SNAP47: variants seen among roughly 807,000 people sequenced by gnomAD.
SNAP47 encodes the protein synaptosomal-associated protein 47.
SNAP47 carries 20 observed loss-of-function variants against 31.4 expected under a neutral mutation model. The observed-to-expected ratio is 0.64, with a 90% CI of 0.45 to 0.93. SNAP47 has a LOEUF of 0.93. SNAP47 is among the 40% of genes least tolerant of loss of function. The pLI, the probability that SNAP47 is intolerant of heterozygous loss-of-function variation, is 0.00. For synonymous variants in SNAP47, 194 were observed against 213.4 expected (o/e 0.91, Z 0.79); for missense variants, 492 against 528.5 (o/e 0.93, Z 0.68).
chr1:227,735,234 G>A (rs1378483014), upstream of SNAP47: 5 of 1,598,690 alleles, frequency 3.1e-6, no homozygotes, highest in Admixed American at 3.4e-5. Flanking sequence ...CCCAGGCCTC[G>A]GAAGTGGCTG....
In SNAP47 at chr1:227,780,891, C is replaced by A. The variant is rs1572064381; in HGVS notation, c.*218C>A. ...GTCCCTGCTGCTGGGCAGGACCCGG[C>A]CACATGTTCTGCGGATGCTGCAGAA... On this transcript the variant is annotated 3_prime_UTR_variant, in exon 5 of 5. Transcript: ENST00000617596. The A allele has an allele frequency of 4.9e-6, 3 of 615,854 alleles. No individual in the cohort carries two copies. The highest frequency in any genetic ancestry group is 6.1e-5 in the Admixed American group (2 of 32,918). 38.1% of individuals were successfully genotyped at this position (615,854 alleles called of 1,614,324 possible).
chr1:227,735,166 C>A, upstream of SNAP47: 2 of 1,580,058 alleles, frequency 1.3e-6, no homozygotes, highest in East Asian at 2.3e-5. Flanking sequence ...AGAAGGCGCC[C>A]GGCTCCGAGA....
chr1:227,738,984 G>A (rs139875264), intron 1 of SNAP47, among the ~76,000 whole-genome samples: 112 of 152,254 alleles, frequency 7.4e-4, no homozygotes, highest in African/African-American at 2.6e-3. Context: ...GGTCCGCAGG[G>A]TGCCCCCTCG....
At chr1:227,730,719 C>G (rs73093304), upstream of SNAP47, 1 of 152,232 alleles carries the variant, frequency 6.6e-6, no homozygotes, top group Non-Finnish European at 1.5e-5. Context: ...AGTTCAGGAG[C>G]GCAGGACCAA....
At chr1:227,736,686 G>GTTTT (rs112159513) in intron 1 of SNAP47, among the ~76,000 whole-genome samples, 16 of 110,920 alleles carry the variant, frequency 1.4e-4, no homozygotes, top group African/African-American at 2.1e-4. Context: ...TTTTGTTTTT[G>GTTTT]TTTTTTTTTT....
In SNAP47 at chr1:227,735,593, C is replaced by T. The variant is rs1023341577; in HGVS notation, c.-46+94C>T. 9.0e-6 allele frequency: 12 copies of T among 1,329,322 alleles called. No individual in the cohort carries two copies. In the Admixed American group the frequency reaches 2.4e-4, roughly 27 times the overall value. 82.3% of individuals were successfully genotyped at this position (1,329,322 alleles called of 1,614,324 possible). ...TCCGCGCGCTGTGGCTGACACAGCC[C>T]GAGCCCTCCTTCCCGCATCCCCGGG... On this transcript the variant is annotated intron_variant, in intron 1 of 4. Transcript: ENST00000617596.
chr1:227,732,572 C>G (rs1028306753), upstream of SNAP47: 1 of 1,613,384 alleles, frequency 6.2e-7, no homozygotes, highest in African/African-American at 1.3e-5. Flanking sequence ...CAGCACCGTC[C>G]TCAGCGGCTG....
chr1:227,759,022 T>C lies in SNAP47; in HGVS notation c.525T>C (p.Ala175=). The C allele has an allele frequency of 6.2e-7, 1 of 1,605,412 alleles. No homozygotes were observed. Among genetic ancestry groups the C allele is most frequent in the Non-Finnish European group, 8.5e-7 (1 of 1,176,592 alleles). The change falls in exon 3 of 5, where the codon GCT becomes GCC. Residue 175 remains alanine (A), a synonymous_variant. Transcript: ENST00000617596. ...TGCTGACAGAACTGGAATCTCCTGC[T>C]TGGTGGCCCTTTAGCTCCAAGCTTT... ...DRLLTELESP[A]WWPFSSKLWK...
At position 227,741,973 on chromosome 1, in the gene SNAP47, T is replaced by C. The variant is rs1021806206; in HGVS notation, c.-45-5719T>C. 1.3e-5 allele frequency among the ~76,000 whole-genome samples: 2 copies of C among 152,128 alleles called. No homozygotes were observed. The highest frequency in any genetic ancestry group is 1.3e-4 in the Admixed American group (2 of 15,276). On this transcript the variant is annotated intron_variant, in intron 1 of 4. Transcript: ENST00000617596. This position sits in a 1 kb window ranked among gnomAD's most constrained non-coding sequence, Gnocchi z 4.2. The stretch of plus-strand genomic sequence containing the variant: ...TTAAAATGTGATAATGAGAAGAGCC[T>C]TGGTTATTCATGTCCTAATTTTTTG...
At chr1:227,737,727 G>A (rs1199167564) in intron 1 of SNAP47, among the ~76,000 whole-genome samples, 1 of 152,096 alleles carries the variant, frequency 6.6e-6, no homozygotes, top group Non-Finnish European at 1.5e-5. Flanking sequence ...GTTGGAGGGA[G>A]GACTAGGAGG....
At chr1:227,740,988 T>G (rs1385593190) in intron 1 of SNAP47, among the ~76,000 whole-genome samples, 1 of 140,554 alleles carries the variant, frequency 7.1e-6, no homozygotes, top group East Asian at 2.1e-4. Context: ...GGGTGCCTGT[T>G]AGGGTCAGGG....
chr1:227,769,217 G>A (rs992007156), intron 4 of SNAP47, among the ~76,000 whole-genome samples: 4 of 152,140 alleles, frequency 2.6e-5, no homozygotes, highest in Non-Finnish European at 4.4e-5. Context: ...GCTCAACACC[G>A]GGAGGAACAG....
intron 1 of SNAP47, chr1:227,735,723 A>G: frequency 1.0e-6 from 1 of 983,478 alleles, no homozygotes; most frequent in Non-Finnish European, 1.2e-6. Context: ...TGGGACCCGG[A>G]GAGAACGGTG....
intron 1 of SNAP47, among the ~76,000 whole-genome samples, chr1:227,729,683 C>T (rs552258093): frequency 9.2e-5 from 14 of 152,270 alleles, no homozygotes; most frequent in African/African-American, 3.4e-4. Flanking sequence ...GCACCTTCTC[C>T]GGAGGCCACA....
chr1:227,759,289 C>A lies in SNAP47; in HGVS notation c.792C>A (p.Tyr264Ter), dbSNP rs548643206. Residue 264 changes from tyrosine to a stop codon, truncating the protein, a stop_gained, in exon 3 of 5, where the codon TAC (tyrosine) becomes TAA (stop). Coordinates refer to ENST00000617596, the MANE Select transcript of SNAP47 (RefSeq NM_053052.4). LOFTEE classifies it high-confidence loss of function. ...DVDDIKVHSP[Y>*]EISIRQRFIG... ...ACGACATCAAGGTCCACTCACCTTA[C>A]GAAATTAGCATCCGCCAGCGGTTTA... 1.2e-6 allele frequency: 2 copies of A among 1,614,220 alleles called. No homozygotes were observed. Among genetic ancestry groups the A allele is most frequent in the Non-Finnish European group, 8.5e-7 (1 of 1,180,048 alleles).
intron 1 of SNAP47, among the ~76,000 whole-genome samples, chr1:227,742,565 C>T (rs1661678254): frequency 6.6e-6 from 1 of 152,226 alleles, no homozygotes; most frequent in Non-Finnish European, 1.5e-5. Flanking sequence ...TAATTTCCCT[C>T]CACACTCCTG....
intron 2 of SNAP47, among the ~76,000 whole-genome samples, chr1:227,758,258 C>T (rs1369493876): frequency 6.6e-6 from 1 of 152,134 alleles, no homozygotes; most frequent in Non-Finnish European, 1.5e-5. Flanking sequence ...ACGCTGAGTC[C>T]CTGAAGGCCA....
rs116283487 is a variant in SNAP47, at chr1:227,751,232, G to T, written c.497+2999G>T. ...AGGCCGTCCTATGTTCACCTGCGTCGGCCTGCACCGCCACGTCTCTCTCCT... is the reference window on the plus strand; with the variant it reads ...AGGCCGTCCTATGTTCACCTGCGTCTGCCTGCACCGCCACGTCTCTCTCCT... On this transcript the variant is annotated intron_variant, in intron 2 of 4. Coordinates refer to ENST00000617596, the MANE Select transcript of SNAP47 (RefSeq NM_053052.4). Among the ~76,000 whole-genome samples, 616 of 152,242 alleles carry T rather than the reference G, an allele frequency of 4.0e-3. 6 individuals carry two copies. The highest frequency in any genetic ancestry group is 0.014 in the African/African-American group (585 of 41,528).
intron 1 of SNAP47, among the ~76,000 whole-genome samples, chr1:227,742,237 G>A (rs1661657900): frequency 6.6e-6 from 1 of 151,884 alleles, no homozygotes; most frequent in South Asian, 2.1e-4. Context: ...GTGTCCATGT[G>A]TTCTCATTGT....
Sources: gnomAD v4.1 joint callset for allele counts (sites outside exome capture counted in the v4.1 genomes callset) on GRCh38, gnomAD v4.1.1 for gene constraint, Gnocchi (gnomAD v3.1) non-coding constraint, MANE v1.5 for transcripts, NCBI Gene and HGNC (gene_info 2026-07-23, HGNC 2026-07-21) for gene names.